Variants in NALF1 observed in about 807,000 individuals in gnomAD.
The protein encoded by NALF1 is family with sequence similarity 155 member A.
A neutral mutation model predicts 48.4 loss-of-function variants in NALF1; 3 were observed. The observed-to-expected ratio is 0.06, with a 90% confidence interval of 0.03 to 0.16. NALF1 has a LOEUF of 0.16. Among genes scored for constraint, NALF1 ranks in the 10% least tolerant of loss-of-function variants. The pLI is 1.00. For synonymous variants in NALF1, 262 were observed against 245.7 expected, an observed-to-expected ratio of 1.07 and a Z score of -0.62; for missense variants, 526 against 571.5, an observed-to-expected ratio of 0.92 and a Z score of 0.81.
At chr13:107,782,901 C>T (rs1472527954) in intron 1 of NALF1, among the ~76,000 whole-genome samples, 78 of 151,580 alleles carry the variant, frequency 5.1e-4, no homozygotes, top group Non-Finnish European at 9.0e-4. Flanking sequence ...GCCCGGCAGC[C>T]GCCCCGTCCA....
At chr13:107,279,043 C>CT (rs200133690) in intron 1 of NALF1, among the ~76,000 whole-genome samples, 45,983 of 122,808 alleles carry the variant, frequency 0.37, 8,958 homozygotes, top group South Asian at 0.54. Context: ...TTCTTTTCTT[C>CT]TTTTTTTTTT....
At chr13:107,743,307 C>T (rs1360918192) in intron 1 of NALF1, among the ~76,000 whole-genome samples, 1 of 152,158 alleles carries the variant, frequency 6.6e-6, no homozygotes, top group Non-Finnish European at 1.5e-5. Flanking sequence ...AAGATCAGTT[C>T]CCAAACACAA....
chr13:107,805,947 T>TA (rs1350135918), intron 1 of NALF1, among the ~76,000 whole-genome samples: 1 of 152,142 alleles, frequency 6.6e-6, no homozygotes, highest in African/African-American at 2.4e-5. Context: ...TCTGTAGGTT[T>TA]AAAAAAAGTG....
intron 1 of NALF1, among the ~76,000 whole-genome samples, chr13:107,363,106 C>G (rs907991632): frequency 2.0e-5 from 3 of 152,130 alleles, no homozygotes; most frequent in African/African-American, 7.2e-5. Context: ...ATCCTTAAGT[C>G]AAGAATTTTT....
At chr13:107,704,336 T>C (rs534208597) in intron 1 of NALF1, among the ~76,000 whole-genome samples, 1 of 152,360 alleles carries the variant, frequency 6.6e-6, no homozygotes, top group East Asian at 1.9e-4. Flanking sequence ...TCTTTCTTTT[T>C]GAATTCTGAA....
At chr13:107,473,950 G>A (rs1594082482) in intron 1 of NALF1, among the ~76,000 whole-genome samples, 1 of 152,196 alleles carries the variant, frequency 6.6e-6, no homozygotes, top group African/African-American at 2.4e-5. Flanking sequence ...ATATGAACAA[G>A]GAGTGTTAGG....
At chr13:107,752,714 T>C (rs1876974171) in intron 1 of NALF1, among the ~76,000 whole-genome samples, 2 of 152,184 alleles carry the variant, frequency 1.3e-5, no homozygotes, top group African/African-American at 4.8e-5. Flanking sequence ...CTACAGACTC[T>C]TAATAATTTG....
At chr13:107,783,873 T>TA (rs66692507) in intron 1 of NALF1, among the ~76,000 whole-genome samples, 24,784 of 133,010 alleles carry the variant, frequency 0.19, 2,414 homozygotes, top group Admixed American at 0.3. Flanking sequence ...AAATAAAAAT[T>TA]AAAAAAAAAA....
chr13:107,406,334 T>C (rs1421996428), intron 1 of NALF1, among the ~76,000 whole-genome samples: 1 of 151,994 alleles, frequency 6.6e-6, no homozygotes, highest in Non-Finnish European at 1.5e-5. Context: ...TGTTGCCATA[T>C]AGAAATGGTA....
intron 1 of NALF1, among the ~76,000 whole-genome samples, chr13:107,369,184 C>T (rs935069249): frequency 6.6e-6 from 1 of 152,176 alleles, no homozygotes; most frequent in Non-Finnish European, 1.5e-5. Context: ...GTAGGCATCA[C>T]ACATGTCCTC....
intron 1 of NALF1, among the ~76,000 whole-genome samples, chr13:107,864,299 A>T (rs189804476): frequency 1.3e-5 from 2 of 152,348 alleles, no homozygotes; most frequent in Non-Finnish European, 2.9e-5. Flanking sequence ...GGTCTTGAAG[A>T]ATGAGAATAA....
chr13:107,799,292 C>T (rs919824415), intron 1 of NALF1, among the ~76,000 whole-genome samples: 1 of 152,126 alleles, frequency 6.6e-6, no homozygotes, highest in South Asian at 2.1e-4. Flanking sequence ...CTCATTGTGC[C>T]CTGTTTACAG....
At chr13:107,594,353 C>T (rs1878685173) in intron 1 of NALF1, among the ~76,000 whole-genome samples, 1 of 152,080 alleles carries the variant, frequency 6.6e-6, no homozygotes. Context: ...AAATGCTTTA[C>T]ATCAATTTGA....
intron 1 of NALF1, among the ~76,000 whole-genome samples, chr13:107,359,039 G>A (rs973368336): frequency 2.6e-5 from 4 of 151,938 alleles, no homozygotes; most frequent in African/African-American, 9.7e-5. Context: ...CTACTATCAG[G>A]GAAGCTTTCA....
At chr13:107,499,228 A>G (rs1252232940) in intron 1 of NALF1, among the ~76,000 whole-genome samples, 1 of 152,222 alleles carries the variant, frequency 6.6e-6, no homozygotes, top group Non-Finnish European at 1.5e-5. Context: ...AGGACAATTC[A>G]TAAATACTGA....
intron 1 of NALF1, among the ~76,000 whole-genome samples, chr13:107,570,572 A>ATTCAT (rs1555309594): frequency 4.6e-4 from 68 of 146,558 alleles, no homozygotes; most frequent in Non-Finnish European, 8.8e-4. Context: ...TTATTTATTT[A>ATTCAT]TTTATTTTAT....
chr13:107,769,816 A>T (rs1291605413), intron 1 of NALF1, among the ~76,000 whole-genome samples: 1 of 152,206 alleles, frequency 6.6e-6, no homozygotes, highest in Admixed American at 6.5e-5. Flanking sequence ...TCTGAGCCTA[A>T]AGTATAATGG....
At chr13:107,788,945 C>G (rs906779620) in intron 1 of NALF1, 1 of 152,060 alleles carries the variant, frequency 6.6e-6, no homozygotes, top group African/African-American at 2.4e-5. Flanking sequence ...ATATGGTTAA[C>G]CTAGTTAAGT....
In NALF1 at chr13:107,616,239, A is replaced by C. The variant is rs143327794; in HGVS notation, c.915+249443T>G. Among the ~76,000 whole-genome samples, 450 of 152,328 alleles carry C rather than the reference A, an allele frequency of 3.0e-3. 2 individuals carry two copies. Among genetic ancestry groups the C allele is most frequent in the African/African-American group, 0.01 (431 of 41,580 alleles). On this transcript the variant is annotated intron_variant, in intron 1 of 2. Transcript: ENST00000375915. The stretch of plus-strand genomic sequence containing the variant: ...TAAATGTTAAGATTAAAATTCCAAC[A>C]CACTCACACAGCGTTTACGTTTAAA...
Sources: allele counts gnomAD v4.1 joint callset (sites outside exome capture counted in the v4.1 genomes callset), GRCh38; gene constraint gnomAD v4.1.1; transcripts MANE v1.5; gene names NCBI Gene and HGNC (gene_info 2026-07-23, HGNC 2026-07-21).